Variants in ULBP2 observed in about 807,000 individuals in gnomAD.
The protein encoded by ULBP2 is UL16 binding protein 2.
In ULBP2, 21 loss-of-function variants were observed where a neutral mutation model predicts 23.6. That is an observed-to-expected ratio of 0.89 (90% CI 0.63 to 1.28). The LOEUF is 1.28. Among genes scored for constraint, ULBP2 ranks in the 50% most tolerant of loss-of-function variants. ULBP2 has a pLI of 0.00. For missense variants in ULBP2, 251 were observed against 306.0 expected, an observed-to-expected ratio of 0.82 and a Z score of 1.34; for synonymous variants, 82 against 112.8, an observed-to-expected ratio of 0.73 and a Z score of 1.73.
In ULBP2 at chr6:149,946,657, A is replaced by T; in HGVS notation, c.631+4A>T. 4 of 1,612,920 alleles carry T rather than the reference A, an allele frequency of 2.5e-6. No homozygotes were observed. The highest frequency in any genetic ancestry group is 2.2e-5 in the East Asian group (1 of 44,850). ...ACCCTGGAGCCAAGTGCAGGAGGTA[A>T]CAGGAGAAAAAGAAACGGGGATCTC... On this transcript the variant is annotated splice_donor_region_variant and intron_variant, in intron 3 of 4. Coordinates refer to ENST00000367351, the MANE Select transcript of ULBP2 (RefSeq NM_025217.4).
chr6:149,948,328 A>G (rs1333733138), intron 4 of ULBP2, among the ~76,000 whole-genome samples: 1 of 152,196 alleles, frequency 6.6e-6, no homozygotes, highest in Non-Finnish European at 1.5e-5. Context: ...AGGGGAAAGA[A>G]GGATGTTTGC....
intron 4 of ULBP2, among the ~76,000 whole-genome samples, chr6:149,948,375 G>A (rs11970664): frequency 0.017 from 2,594 of 152,290 alleles, 93 homozygotes; most frequent in African/African-American, 0.06. Flanking sequence ...ACAGGAATAT[G>A]GAGCCCTCTT....
intron 2 of ULBP2, among the ~76,000 whole-genome samples, chr6:149,945,968 T>TGCAGTG (rs1778933236): frequency 8.0e-6 from 1 of 124,754 alleles, no homozygotes; most frequent in Non-Finnish European, 1.6e-5. Flanking sequence ...AAAAGCCAGG[T>TGCAGTG]GCAGTGGCTC....
In ULBP2 at chr6:149,948,842, C is replaced by T. The variant is rs1337664068; in HGVS notation, c.*142C>T. ...AGTGGCCTCCAGCAGATCATGATGA[C>T]ATCATGGACCCAATAGCTCATTCAC... On this transcript the variant is annotated 3_prime_UTR_variant, in exon 5 of 5. Transcript: ENST00000367351. 5 of 449,224 alleles carry T rather than the reference C, an allele frequency of 1.1e-5. No individual in the cohort carries two copies. The East Asian group carries it at 2.8e-4, about 25-fold the overall frequency. 27.8% of individuals were successfully genotyped at this position (449,224 alleles called of 1,614,324 possible).
chr6:149,945,626 G>A (rs556687530), intron 2 of ULBP2, 54 bp downstream of exon 2: 2 of 1,613,350 alleles, frequency 1.2e-6, no homozygotes, highest in South Asian at 2.2e-5. Context: ...GTAGGTTAGA[G>A]GCATTTATAG....
Position 149,945,369 on chromosome 6 carries a change from G to C in ULBP2, c.146G>C (p.Trp49Ser), listed in dbSNP as rs1448560041. The C allele has an allele frequency of 6.2e-7, 1 of 1,612,604 alleles. No homozygotes were observed. Among genetic ancestry groups the C allele is most frequent in the Non-Finnish European group, 8.5e-7 (1 of 1,179,860 alleles). Residue 49 changes from tryptophan to serine, a missense_variant, in exon 2 of 5, where the codon TGG (tryptophan) becomes TCG (serine). Transcript: ENST00000367351. ...CCTAAGTTCAGACCTGGACCACGGT[G>C]GTGTGCGGTTCAAGGCCAGGTGGAT... The part of the protein sequence containing the change: ...VIPKFRPGPR[W>S]CAVQGQVDEK...
At chr6:149,947,063 C>T (rs1426772283) in intron 3 of ULBP2, among the ~76,000 whole-genome samples, 2 of 152,090 alleles carry the variant, frequency 1.3e-5, no homozygotes, top group South Asian at 2.1e-4. Flanking sequence ...TGGGGCATCA[C>T]CTCCTCTTCC....
intron 1 of ULBP2, among the ~76,000 whole-genome samples, chr6:149,942,980 G>A (rs530931331): frequency 2.4e-3 from 358 of 152,294 alleles, no homozygotes; most frequent in African/African-American, 7.6e-3. Context: ...TTGGGGCCCA[G>A]ACCGCCTGTT....
chr6:149,942,488 C>G (rs1358261537), intron 1 of ULBP2, among the ~76,000 whole-genome samples: 3 of 152,096 alleles, frequency 2.0e-5, no homozygotes, highest in Non-Finnish European at 4.4e-5. Context: ...CCAGAGCCCC[C>G]GGAACCGGAG....
intron 3 of ULBP2, 139 bp downstream of exon 3, chr6:149,946,792 G>T (rs1202667712): frequency 1.4e-6 from 2 of 1,433,770 alleles, no homozygotes; most frequent in Admixed American, 4.3e-5. Context: ...CGCTCCTCCT[G>T]GGGTTACTGG....
chr6:149,946,557 G>A lies in ULBP2; in HGVS notation c.535G>A (p.Ala179Thr). Reference sequence around the variant, plus strand: ...AAAGTGGGAGAATGACAAGGTTGTGGCCATGTCCTTCCATTACTTCTCAAT... The same window carrying A: ...AAAGTGGGAGAATGACAAGGTTGTGACCATGTCCTTCCATTACTTCTCAAT... The part of the protein sequence containing the change: ...KEKWENDKVV[A>T]MSFHYFSMGD... The change falls in exon 3 of 5, where the codon GCC (alanine) becomes ACC (threonine). Residue 179 changes from alanine (A) to threonine (T), a missense_variant. Around this residue, in one of 2 missense-constraint regions of ULBP2, gnomAD observed 248 missense variants for 258.9 expected, o/e 0.96. Coordinates refer to ENST00000367351, the MANE Select transcript of ULBP2 (RefSeq NM_025217.4). The A allele has an allele frequency of 1.9e-6, 3 of 1,614,186 alleles. No homozygotes were observed. The highest frequency in any genetic ancestry group is 1.7e-6 in the Non-Finnish European group (2 of 1,180,038).
rs566199069 is a variant in ULBP2, at chr6:149,946,469, C to G, written c.447C>G (p.Leu149=). 1 of 1,613,852 alleles carries G rather than the reference C, an allele frequency of 6.2e-7. No individual in the cohort carries two copies. Among genetic ancestry groups the G allele is most frequent in the African/African-American group, 1.3e-5 (1 of 74,788 alleles). ...WQFSFDGQIF[L]LFDSEKRMWT... ...TCAGTTTCGATGGGCAGATCTTCCT[C>G]CTCTTTGACTCAGAGAAGAGAATGT... The change falls in exon 3 of 5, where the codon CTC becomes CTG. Residue 149 remains leucine, a synonymous_variant. Coordinates refer to ENST00000367351, the MANE Select transcript of ULBP2 (RefSeq NM_025217.4).
chr6:149,946,067 C>A (rs552503912), intron 2 of ULBP2, among the ~76,000 whole-genome samples: 1 of 151,978 alleles, frequency 6.6e-6, no homozygotes, highest in South Asian at 2.1e-4. Flanking sequence ...ACAGTGAAAC[C>A]CTGTCTGTAC....
At position 149,947,165 on chromosome 6, in the gene ULBP2, C is replaced by G. The variant is rs151146502; in HGVS notation, c.632-155C>G. ...GACAAGACTCACCCCGTCTCCCTTC[C>G]TAAGCCAGGACCTGTCATACTGGCT... On this transcript the variant is annotated intron_variant, in intron 3 of 4. Coordinates refer to ENST00000367351, the MANE Select transcript of ULBP2 (RefSeq NM_025217.4). Among the ~76,000 whole-genome samples, 606 of 152,156 alleles carry G rather than the reference C, an allele frequency of 4.0e-3. 2 individuals carry two copies. The highest frequency in any genetic ancestry group is 0.014 in the African/African-American group (583 of 41,438).
Position 149,947,401 on chromosome 6 carries a change from TC to T in ULBP2, c.717del (p.Cys240AlafsTer14). Reference protein sequence around the residue: ...TLILCCLLIILPCFILPGI With the variant: ...TLILCCLLIIXPCFILPGI ...ATCCTTTGCTGCCTCCTCATCATCCTCCCCTGCTTCATCCTCCCTGGCATCT... is the reference window on the plus strand; with the variant it reads ...ATCCTTTGCTGCCTCCTCATCATCCTCCCTGCTTCATCCTCCCTGGCATCT... On this transcript the variant is annotated frameshift_variant, in exon 4 of 5. Coordinates refer to ENST00000367351, the MANE Select transcript of ULBP2 (RefSeq NM_025217.4). LOFTEE classifies it high-confidence loss of function. The T allele has an allele frequency of 7.2e-7, 1 of 1,390,562 alleles. No individual in the cohort carries two copies. The highest frequency in any genetic ancestry group is 2.4e-5 in the East Asian group (1 of 41,504). The allele number at this position is 1,390,562 out of a possible 1,614,324, so 86.1% of individuals were successfully genotyped here.
chr6:149,945,836 G>A (rs1303746106), intron 2 of ULBP2, among the ~76,000 whole-genome samples: 2 of 151,938 alleles, frequency 1.3e-5, no homozygotes, highest in African/African-American at 4.8e-5. Flanking sequence ...AGCAACTTGG[G>A]AGGCTGAGGC....
Position 149,946,461 on chromosome 6 carries a change from A to T in ULBP2, c.439A>T (p.Ile147Phe), listed in dbSNP as rs768293463. ...GSWQFSFDGQ[I>F]FLLFDSEKRM... ...TTGGCAGTTCAGTTTCGATGGGCAG[A>T]TCTTCCTCCTCTTTGACTCAGAGAA... is the stretch of plus-strand genomic sequence containing the variant. The change falls in exon 3 of 5, where the codon ATC (isoleucine) becomes TTC (phenylalanine). Residue 147 changes from isoleucine (I) to phenylalanine (F), a missense_variant. Physicochemically the swap from Ile to Phe is conservative, Grantham distance 21. Coordinates refer to ENST00000367351, the MANE Select transcript of ULBP2 (RefSeq NM_025217.4). 7 of 1,614,074 alleles carry T rather than the reference A, an allele frequency of 4.3e-6. No individual in the cohort carries two copies. In the Admixed American group the frequency reaches 1.0e-4, roughly 23 times the overall value.
Position 149,945,412 on chromosome 6 carries a change from C to T in ULBP2, c.189C>T (p.His63=). ...AGGTGGATGAAAAGACTTTTCTTCA[C>T]TATGACTGTGGCAACAAGACAGTCA... ...QGQVDEKTFL[H]YDCGNKTVTP... The change falls in exon 2 of 5, where the codon CAC becomes CAT. Residue 63 remains histidine (H), a synonymous_variant. Transcript: ENST00000367351. 2 of 1,613,912 alleles carry T rather than the reference C, an allele frequency of 1.2e-6. No homozygotes were observed. The highest frequency in any genetic ancestry group is 1.7e-6 in the Non-Finnish European group (2 of 1,179,876).
In ULBP2 at chr6:149,945,292, C is replaced by A; in HGVS notation, c.86-17C>A. 1 of 1,608,392 alleles carries A rather than the reference C, an allele frequency of 6.2e-7. No individual in the cohort carries two copies. The highest frequency in any genetic ancestry group is 1.3e-5 in the African/African-American group (1 of 74,640). On this transcript the variant is annotated splice_polypyrimidine_tract_variant and intron_variant, in intron 1 of 4. Transcript: ENST00000367351. ...TCTTTTCCTCCCCACCCACCCCTCA[C>A]CTGCCTTTCTCCACAGACCCTCACT... is the stretch of plus-strand genomic sequence containing the variant.
Sources: allele counts gnomAD v4.1 joint callset (sites outside exome capture counted in the v4.1 genomes callset), GRCh38; gene constraint gnomAD v4.1.1; regional missense constraint gnomAD v4.1.1; transcripts MANE v1.5; gene names NCBI Gene and HGNC (gene_info 2026-07-23, HGNC 2026-07-21).